Variants in KLHL13 observed in about 807,000 individuals in gnomAD.
The protein encoded by KLHL13 is kelch like family member 13.
KLHL13 carries 10 observed loss-of-function variants against 37.1 expected under a neutral mutation model. The observed-to-expected ratio is 0.27, with a 90% confidence interval of 0.17 to 0.46. The LOEUF (loss-of-function observed/expected upper bound fraction) is 0.46, where lower values mean the gene tolerates loss of function less well. KLHL13 is among the 20% of genes least tolerant of loss of function. The probability of loss-of-function intolerance (pLI) is 1.00; values close to 1 mark genes in which losing one functional copy is unlikely to be tolerated. For missense variants in KLHL13, 360 were observed against 509.3 expected (o/e 0.71, Z 2.82); for synonymous variants, 163 against 181.2 (o/e 0.90, Z 0.81).
chrX:118,099,379 A>T (rs2055256786), intron 1 of KLHL13, among the ~76,000 whole-genome samples: 1 of 111,937 alleles, frequency 8.9e-6, no homozygotes, highest in South Asian at 3.7e-4. Flanking sequence ...TGATAATATA[A>T]ACTGTTTTCA....
chrX:118,090,341 T>G (rs1476258431), intron 1 of KLHL13, among the ~76,000 whole-genome samples: 1 of 110,945 alleles, frequency 9.0e-6, no homozygotes, highest in Non-Finnish European at 1.9e-5. Flanking sequence ...ACAGGCAACC[T>G]ACAGAATGGG....
chrX:118,028,654 AGAAATT>A (rs2148026008), intron 1 of KLHL13, among the ~76,000 whole-genome samples, 157 bp from the exon 2 acceptor site: 2 of 112,123 alleles, frequency 1.8e-5, no homozygotes, highest in Admixed American at 1.9e-4. Context: ...AAGAAAATTA[AGAAATT>A]GAATCTTATT....
chrX:117,919,065 C>T (rs1931540361), intron 4 of KLHL13, among the ~76,000 whole-genome samples: 1 of 110,601 alleles, frequency 9.0e-6, no homozygotes, highest in African/African-American at 3.3e-5. Context: ...CTCTTGTTGC[C>T]CAGGCTGGAG....
intron 1 of KLHL13, chrX:117,946,214 T>C (rs967348279): frequency 8.9e-6 from 1 of 112,213 alleles, no homozygotes; most frequent in Non-Finnish European, 1.9e-5. Flanking sequence ...CATGATATAA[T>C]TTCTTTTTCT....
intron 6 of KLHL13, 148 bp downstream of exon 7, chrX:117,901,685 A>G (rs955442222): frequency 9.5e-6 from 3 of 316,432 alleles, no homozygotes; most frequent in African/African-American, 8.2e-5. Context: ...TTGTATTTTT[A>G]ATAGAGACAG....
intron 1 of KLHL13, among the ~76,000 whole-genome samples, chrX:118,048,913 A>G (rs901069848): frequency 3.3e-4 from 37 of 112,153 alleles, no homozygotes; most frequent in African/African-American, 9.4e-4. Flanking sequence ...TGCTTATGAT[A>G]GTTGAGATAT....
intron 1 of KLHL13, among the ~76,000 whole-genome samples, chrX:118,005,904 C>T (rs2053976152): frequency 8.9e-6 from 1 of 112,273 alleles, no homozygotes; most frequent in Non-Finnish European, 1.9e-5. Context: ...TTTTAGCAGT[C>T]TTTTCTAGGG....
intron 1 of KLHL13, among the ~76,000 whole-genome samples, chrX:118,108,966 C>G (rs1240390488): frequency 9.0e-6 from 1 of 111,198 alleles, no homozygotes; most frequent in African/African-American, 3.3e-5. Flanking sequence ...GCCTCCATGC[C>G]CAGCTAATTT....
rs189918612 is a variant in KLHL13, at chrX:117,952,031, T to C, written c.99-6456A>G. On this transcript the variant is annotated intron_variant, in intron 1 of 6. Transcript: ENST00000262820. ...CCCCATCAAGCTACCAATGACTTTC[T>C]TCACAGAATTGGAAAAAACTACTTT... Among the ~76,000 whole-genome samples, 156 of 111,617 alleles carry C rather than the reference T, an allele frequency of 1.4e-3. 2 individuals carry two copies. Among genetic ancestry groups the C allele is most frequent in the African/African-American group, 4.9e-3 (152 of 30,740 alleles).
chrX:118,113,002 CAT>C (rs978359913), intron 1 of KLHL13, among the ~76,000 whole-genome samples: 29 of 112,194 alleles, frequency 2.6e-4, no homozygotes, highest in Non-Finnish European at 1.3e-4. Flanking sequence ...CCAAAGGAAA[CAT>C]ATTTCCATGA....
chrX:117,999,708 A>AAAAT (rs200561523), intron 1 of KLHL13, among the ~76,000 whole-genome samples: 7,165 of 110,131 alleles, frequency 0.065, 567 homozygotes, highest in African/African-American at 0.21. Flanking sequence ...AAATCTATTA[A>AAAAT]AAATAAATAA....
chrX:118,027,306 G>A (rs1019304332), intron 1 of KLHL13, among the ~76,000 whole-genome samples: 7 of 110,987 alleles, frequency 6.3e-5, no homozygotes, highest in African/African-American at 2.3e-4. Flanking sequence ...CCATCTTACA[G>A]TACTAATTTG....
chrX:117,920,395 C>A, intron 2 of KLHL13, 25 bp from the exon 4 acceptor site: 1 of 1,194,480 alleles, frequency 8.4e-7, no homozygotes, highest in South Asian at 1.9e-5. Flanking sequence ...TGAGTTGAGT[C>A]ACTAATCAAG....
chrX:118,100,254 C>T (rs977614568), intron 1 of KLHL13, among the ~76,000 whole-genome samples: 4 of 111,631 alleles, frequency 3.6e-5, no homozygotes, highest in East Asian at 5.6e-4. Context: ...ATGCAGTCTC[C>T]GAATGGCTGG....
intron 1 of KLHL13, among the ~76,000 whole-genome samples, chrX:118,086,404 G>A (rs2055055140): frequency 1.8e-5 from 2 of 111,479 alleles, no homozygotes; most frequent in Non-Finnish European, 3.8e-5. Context: ...GGCATTCACT[G>A]ATGAAAATGT....
intron 1 of KLHL13, among the ~76,000 whole-genome samples, chrX:118,072,220 G>C (rs1222037771): frequency 9.0e-6 from 1 of 111,014 alleles, no homozygotes. Context: ...AGAAAAACAA[G>C]CAATGGGGAA....
chrX:117,950,668 A>G (rs1198610127), intron 1 of KLHL13, among the ~76,000 whole-genome samples: 15 of 112,075 alleles, frequency 1.3e-4, no homozygotes, highest in Non-Finnish European at 2.6e-4. Context: ...ACAACAAAAC[A>G]GGTTGGTTAA....
chrX:118,013,150 C>A (rs2054089489), intron 1 of KLHL13, among the ~76,000 whole-genome samples: 1 of 111,528 alleles, frequency 9.0e-6, no homozygotes, highest in Admixed American at 9.5e-5. Flanking sequence ...AGCTTCTATT[C>A]CAGTGAAAGG....
chrX:118,080,159 A>T (rs778357726), intron 1 of KLHL13, among the ~76,000 whole-genome samples: 1 of 111,809 alleles, frequency 8.9e-6, no homozygotes, highest in Non-Finnish European at 1.9e-5. Context: ...AAGAACTCAA[A>T]CTATAAAAAG....
Sources: gnomAD v4.1 joint callset for allele counts (sites outside exome capture counted in the v4.1 genomes callset) on GRCh38, gnomAD v4.1.1 for gene constraint, MANE v1.5 for transcripts, NCBI Gene and HGNC (gene_info 2026-07-23, HGNC 2026-07-21) for gene names.